Variants in ANXA8 observed in about 807,000 individuals in gnomAD.
The protein encoded by ANXA8 is VAC-beta.
In ANXA8, 9 loss-of-function variants were observed where a neutral mutation model predicts 26.8. The ratio of observed to expected loss-of-function variants is 0.34; its 90% confidence interval spans 0.20 to 0.59. The LOEUF (loss-of-function observed/expected upper bound fraction) is 0.59. ANXA8 is among the 20% of genes least tolerant of loss of function. ANXA8 has a pLI of 0.84. For missense variants in ANXA8, 83 were observed against 238.5 expected (o/e 0.35, Z 4.29); for synonymous variants, 39 against 94.8 (o/e 0.41, Z 3.42).
the ANXA8 span, among the ~76,000 whole-genome samples, chr10:47,966,808 G>A: frequency 2.6e-5 from 2 of 78,358 alleles, no homozygotes; most frequent in African/African-American, 8.6e-5. Context: ...TTAAGCAGGC[G>A]AGTTTGTTGT....
the ANXA8 span, among the ~76,000 whole-genome samples, chr10:47,680,634 C>CAA: frequency 3.7e-4 from 48 of 130,178 alleles, no homozygotes; most frequent in African/African-American, 1.2e-3. Flanking sequence ...GACTCCATCT[C>CAA]AAAAAAAAAA....
At chr10:47,664,334 T>C in the ANXA8 span, among the ~76,000 whole-genome samples, 6 of 152,044 alleles carry the variant, frequency 3.9e-5, no homozygotes, top group African/African-American at 9.7e-5. Flanking sequence ...GTTGAGAATG[T>C]GCCATTGCAC....
the ANXA8 span, among the ~76,000 whole-genome samples, chr10:47,943,929 A>G: frequency 1.4e-5 from 2 of 147,638 alleles, 1 homozygote; most frequent in Admixed American, 1.3e-4. Context: ...ACTGGCAAGG[A>G]GTGGAGGCCT....
chr10:47,942,686 T>C, the ANXA8 span, among the ~76,000 whole-genome samples: 1 of 142,474 alleles, frequency 7.0e-6, no homozygotes. Flanking sequence ...CCTACTCCTC[T>C]GCCTTGGCTG....
the ANXA8 span, among the ~76,000 whole-genome samples, chr10:47,511,809 CTAAT>C: frequency 2.7e-5 from 2 of 74,162 alleles, no homozygotes; most frequent in African/African-American, 9.4e-5. Flanking sequence ...TTTTTATACA[CTAAT>C]TAGTTGAATT....
the ANXA8 span, among the ~76,000 whole-genome samples, chr10:47,650,582 G>A: frequency 1.4e-3 from 212 of 146,950 alleles, no homozygotes; most frequent in African/African-American, 4.9e-3. Flanking sequence ...CAAGGTGGGC[G>A]GATCACGAGG....
chr10:47,535,053 C>A, the ANXA8 span, among the ~76,000 whole-genome samples: 1 of 114,708 alleles, frequency 8.7e-6, no homozygotes, highest in Non-Finnish European at 1.7e-5. Context: ...CGGCTCACTG[C>A]AGCCTCCGCC....
chr10:47,700,667 TA>T, the ANXA8 span, among the ~76,000 whole-genome samples: 16 of 151,786 alleles, frequency 1.1e-4, no homozygotes, highest in African/African-American at 3.9e-4. Context: ...TGTAGAAAAA[TA>T]AATTTTGCAT....
chr10:47,775,322 G>A, the ANXA8 span, among the ~76,000 whole-genome samples: 3 of 148,144 alleles, frequency 2.0e-5, no homozygotes, highest in South Asian at 2.2e-4. Flanking sequence ...GCAGTGAGCC[G>A]AGATTGCGCC....
At chr10:47,907,710 G>A in the ANXA8 span, among the ~76,000 whole-genome samples, 1 of 143,786 alleles carries the variant, frequency 7.0e-6, no homozygotes, top group Non-Finnish European at 1.5e-5. Flanking sequence ...AGAGAGTGCA[G>A]TGAGCTGAGA....
At chr10:47,920,579 A>C in the ANXA8 span, among the ~76,000 whole-genome samples, 1 of 125,812 alleles carries the variant, frequency 7.9e-6, no homozygotes, top group Admixed American at 8.5e-5. Context: ...GCTCTGCAAA[A>C]ACTGCCTTAA....
At chr10:47,516,638 A>G in the ANXA8 span, among the ~76,000 whole-genome samples, 1 of 138,076 alleles carries the variant, frequency 7.2e-6, no homozygotes, top group Non-Finnish European at 1.5e-5. Flanking sequence ...AAAAGCAGAC[A>G]TTGAGCATAT....
chr10:47,525,741 A>C, the ANXA8 span, among the ~76,000 whole-genome samples: 1 of 132,678 alleles, frequency 7.5e-6, no homozygotes, highest in Non-Finnish European at 1.6e-5. Context: ...AGATGTATAG[A>C]AATACAATTG....
At chr10:47,516,227 G>C in the ANXA8 span, among the ~76,000 whole-genome samples, 1 of 79,746 alleles carries the variant, frequency 1.3e-5, no homozygotes, top group African/African-American at 5.4e-5. Flanking sequence ...TTCTCAAGAA[G>C]AGATAGTCTG....
chr10:47,743,522 G>C, the ANXA8 span, among the ~76,000 whole-genome samples: 3 of 137,696 alleles, frequency 2.2e-5, no homozygotes, highest in Admixed American at 7.4e-5. Context: ...TTTGGAAGGG[G>C]ACACAAGGGA....
At chr10:47,481,841 G>C (rs1374821978) in intron 1 of ANXA8, among the ~76,000 whole-genome samples, 2 of 145,910 alleles carry the variant, frequency 1.4e-5, no homozygotes, top group African/African-American at 5.0e-5. Flanking sequence ...GGCTCCTGCA[G>C]GGTCTTGCCC....
the ANXA8 span, among the ~76,000 whole-genome samples, chr10:47,675,397 AG>A: frequency 6.6e-6 from 1 of 151,574 alleles, no homozygotes; most frequent in Non-Finnish European, 1.5e-5. Flanking sequence ...TATACATGTA[AG>A]GTACTCCCAC....
the ANXA8 span, among the ~76,000 whole-genome samples, chr10:47,499,232 G>C: frequency 2.2e-5 from 3 of 139,284 alleles, no homozygotes; most frequent in Non-Finnish European, 1.5e-5. Flanking sequence ...TCTCATTCAA[G>C]GTTTCCCTCA....
chr10:47,502,341 A>T, the ANXA8 span: 1 of 1,603,106 alleles, frequency 6.2e-7, no homozygotes, highest in Non-Finnish European at 8.5e-7. Context: ...GGTCCTCATC[A>T]GTGGTGGCCC....
Sources: gnomAD v4.1 joint callset for allele counts (sites outside exome capture counted in the v4.1 genomes callset) on GRCh38, gnomAD v4.1.1 for gene constraint, MANE v1.5 for transcripts, NCBI Gene and HGNC (gene_info 2026-07-23, HGNC 2026-07-21) for gene names.